The following HEATR5A variants were observed in gnomAD, a reference collection of about 807,000 sequenced individuals.
HEATR5A encodes HEAT repeat containing 5A.
A neutral mutation model predicts 218.8 loss-of-function variants in HEATR5A; 178 were observed. The ratio of observed to expected loss-of-function variants is 0.81; its 90% CI spans 0.72 to 0.92. The LOEUF is 0.92. HEATR5A is among the 40% of genes least tolerant of loss of function. HEATR5A has a pLI of 0.00. For missense variants in HEATR5A, 2,420 were observed against 2,418.9 expected, an observed-to-expected ratio of 1.00 and a Z score of -0.01; for synonymous variants, 864 against 871.6, an observed-to-expected ratio of 0.99 and a Z score of 0.15.
intron 33 of HEATR5A, chr14:31,297,680 T>C (rs1374952614): frequency 7.2e-5 from 11 of 152,090 alleles, no homozygotes; most frequent in Non-Finnish European, 8.8e-5. Flanking sequence ...GTAAAATAAG[T>C]ACACAGTTAA....
chr14:31,399,126 C>G (rs893849217), intron 3 of HEATR5A, among the ~76,000 whole-genome samples: 5 of 152,064 alleles, frequency 3.3e-5, no homozygotes. Context: ...CAGAAGAGTC[C>G]AAATTCATTC....
intron 19 of HEATR5A, among the ~76,000 whole-genome samples, chr14:31,346,589 G>T (rs1901030370): frequency 6.6e-6 from 1 of 152,234 alleles, no homozygotes; most frequent in Non-Finnish European, 1.5e-5. Context: ...ATCTGTAGAA[G>T]TCAACACTTT....
In HEATR5A at chr14:31,336,137, C is replaced by A. The variant is rs145498755; in HGVS notation, c.3367+1339G>T. Among the ~76,000 whole-genome samples the A allele has an allele frequency of 2.6e-3, 378 of 147,680 alleles. 11 individuals carry two copies. In the East Asian group the frequency reaches 0.064, roughly 25 times the overall value. ...GGGACTACAGATGTGTACCATGACA[C>A]CTGGCTAATTTTAAAATTTTTTGTA... On this transcript the variant is annotated intron_variant, in intron 22 of 35. Transcript: ENST00000543095.
At chr14:31,308,042 G>A (rs1899611439) in intron 29 of HEATR5A, 22 bp from the exon 30 acceptor site, 2 of 1,580,106 alleles carry the variant, frequency 1.3e-6, no homozygotes, top group East Asian at 2.3e-5. Context: ...AAAAAAAGAG[G>A]AGGAGGCTTC....
In HEATR5A at chr14:31,389,134, A is replaced by G. The variant is rs2030350249; in HGVS notation, c.773-129T>C. On this transcript the variant is annotated intron_variant, in intron 6 of 35. Coordinates refer to ENST00000543095, the MANE Select transcript of HEATR5A (RefSeq NM_015473.4). ...AATTCAAACAAAATGCAAAATTTAC[A>G]GAACAGTCTACACAGTAACACACAA... The G allele has an allele frequency of 3.6e-6, 3 of 823,296 alleles. No individual in the cohort carries two copies. In the East Asian group the frequency reaches 8.1e-5, roughly 22 times the overall value. 51.0% of individuals were successfully genotyped at this position (823,296 alleles called of 1,614,324 possible). A position where few individuals can be genotyped will look rare whatever the true frequency, so the allele number is the denominator to read the frequency against.
At position 31,318,222 on chromosome 14, in the gene HEATR5A, A is replaced by G. The variant is rs1456529201; in HGVS notation, c.4038+2T>C. ...CTTAAGCTTCATCTTTTAACCATTT[A>G]CCTGACATGCTTTGGCAGTGACATC... On this transcript the variant is annotated splice_donor_variant, in intron 26 of 35. Transcript: ENST00000543095. LOFTEE classifies it high-confidence loss of function. 1 of 1,613,030 alleles carries G rather than the reference A, an allele frequency of 6.2e-7. No homozygotes were observed. Among genetic ancestry groups the G allele is most frequent in the Non-Finnish European group, 8.5e-7 (1 of 1,179,136 alleles).
At chr14:31,402,122 C>T (rs1170410025) in intron 2 of HEATR5A, among the ~76,000 whole-genome samples, 2 of 152,058 alleles carry the variant, frequency 1.3e-5, no homozygotes, top group African/African-American at 4.8e-5. Context: ...TGTCTCAGAA[C>T]AAGAATGTGT....
At chr14:31,393,899 T>C (rs2030549165) in intron 6 of HEATR5A, among the ~76,000 whole-genome samples, 153 bp downstream of exon 6, 7 of 152,176 alleles carry the variant, frequency 4.6e-5, no homozygotes, top group Admixed American at 4.6e-4. Context: ...CCACCCGCCT[T>C]GGCCTCCCAA....
chr14:31,346,044 A>G (rs1901010393), intron 19 of HEATR5A, among the ~76,000 whole-genome samples: 1 of 152,232 alleles, frequency 6.6e-6, no homozygotes, highest in Non-Finnish European at 1.5e-5. Context: ...TTAATGTTCT[A>G]TAACAAGAAG....
At chr14:31,313,323 A>C (rs894588085) in intron 27 of HEATR5A, 133 bp from the exon 28 acceptor site, 2 of 667,562 alleles carry the variant, frequency 3.0e-6, no homozygotes, top group Non-Finnish European at 5.2e-6. Context: ...GATATCAAGA[A>C]GGCCTGTCTG....
chr14:31,354,554 T>TAA (rs971953611), intron 16 of HEATR5A, among the ~76,000 whole-genome samples: 2 of 152,218 alleles, frequency 1.3e-5, no homozygotes, highest in African/African-American at 4.8e-5. Context: ...GGAGATGAGT[T>TAA]ATTTTTAGTA....
At chr14:31,320,594 A>T in intron 25 of HEATR5A, 1 of 765,810 alleles carries the variant, frequency 1.3e-6, no homozygotes, top group Non-Finnish European at 2.3e-6. Context: ...ACAACAGCAG[A>T]TCAGAGCTGG....
At chr14:31,406,863 G>A (rs1338304668) in intron 1 of HEATR5A, among the ~76,000 whole-genome samples, 1 of 148,394 alleles carries the variant, frequency 6.7e-6, no homozygotes, top group African/African-American at 2.5e-5. Flanking sequence ...GGAGGCTGAG[G>A]CATAAGAACC....
rs1163325611 is a variant in HEATR5A, at chr14:31,357,354, A to G, written c.2411+1283T>C. On this transcript the variant is annotated intron_variant, in intron 16 of 35. Coordinates refer to ENST00000543095, the MANE Select transcript of HEATR5A (RefSeq NM_015473.4). Reference sequence around the variant, plus strand: ...CAAAGAGATAAAGGTAAATTGTCTAACTGGTATCCTCTGGAAGATATAACT... The same window carrying G: ...CAAAGAGATAAAGGTAAATTGTCTAGCTGGTATCCTCTGGAAGATATAACT... 2.6e-5 allele frequency among the ~76,000 whole-genome samples: 4 copies of G among 152,240 alleles called. 1 individual carries two copies. Among genetic ancestry groups the G allele is most frequent in the African/African-American group, 7.2e-5 (3 of 41,466 alleles).
intron 34 of HEATR5A, among the ~76,000 whole-genome samples, chr14:31,295,013 T>G (rs1044821709): frequency 5.9e-5 from 9 of 152,146 alleles, no homozygotes; most frequent in African/African-American, 1.9e-4. Flanking sequence ...TAAACTTTTA[T>G]TGAGTTAACT....
chr14:31,295,709 A>G (rs1194226252), intron 34 of HEATR5A, among the ~76,000 whole-genome samples, 200 bp downstream of exon 34: 1 of 151,858 alleles, frequency 6.6e-6, no homozygotes, highest in Non-Finnish European at 1.5e-5. Flanking sequence ...TTCTGCCACT[A>G]TGCTCTACCC....
intron 1 of HEATR5A, among the ~76,000 whole-genome samples, chr14:31,419,875 T>C (rs1233736539): frequency 1.3e-5 from 2 of 152,274 alleles, no homozygotes; most frequent in African/African-American, 4.8e-5. Flanking sequence ...CTTTCTTTCC[T>C]GGAGAGAACT....
intron 31 of HEATR5A, among the ~76,000 whole-genome samples, 174 bp from the exon 32 acceptor site, chr14:31,305,351 C>T (rs1289366255): frequency 6.6e-6 from 1 of 152,146 alleles, no homozygotes; most frequent in Non-Finnish European, 1.5e-5. Context: ...CAACCTCTGC[C>T]TTCCAGTTTC....
chr14:31,304,831 G>T (rs1337372019), intron 32 of HEATR5A, 74 bp downstream of exon 32: 1 of 1,442,252 alleles, frequency 6.9e-7, no homozygotes, highest in Non-Finnish European at 9.5e-7. Context: ...AAAAAGATTA[G>T]CAACTAGACT....
Sources: allele counts gnomAD v4.1 joint callset (sites outside exome capture counted in the v4.1 genomes callset), GRCh38; gene constraint gnomAD v4.1.1; transcripts MANE v1.5; gene names NCBI Gene and HGNC (gene_info 2026-07-23, HGNC 2026-07-21).